Variants in ZFPM2 observed in about 807,000 individuals in gnomAD.
ZFPM2 encodes the protein zinc finger protein, FOG family member 2, also known as zinc finger protein ZFPM2.
A neutral mutation model predicts 98.6 loss-of-function variants in ZFPM2; 20 were observed. The observed-to-expected ratio is 0.20, with a 90% CI of 0.14 to 0.29. The LOEUF is 0.29. Ranked by LOEUF, ZFPM2 falls within the 10% of genes least tolerant of loss-of-function variation. The pLI is 1.00. For missense variants in ZFPM2, 1,310 were observed against 1,388.6 expected (o/e 0.94, Z 0.90); for synonymous variants, 518 against 502.7 (o/e 1.03, Z -0.41).
chr8:105,651,614 G>C (rs541947801), intron 5 of ZFPM2, among the ~76,000 whole-genome samples: 1 of 152,060 alleles, frequency 6.6e-6, no homozygotes, highest in African/African-American at 2.4e-5. Flanking sequence ...CCTCTAAAAG[G>C]CCTTCTTTAC....
chr8:105,413,062 G>T (rs1183494385), intron 1 of ZFPM2, among the ~76,000 whole-genome samples: 1 of 151,808 alleles, frequency 6.6e-6, no homozygotes, highest in Non-Finnish European at 1.5e-5. Flanking sequence ...TTAGAGTCGG[G>T]TTATTTTTTT....
At chr8:105,735,113 T>C (rs1348277772) in intron 5 of ZFPM2, among the ~76,000 whole-genome samples, 1 of 147,576 alleles carries the variant, frequency 6.8e-6, no homozygotes, top group Non-Finnish European at 1.5e-5. Flanking sequence ...TATATATAAA[T>C]TATATATATA....
rs181571068 is a variant in ZFPM2 at position 105,623,095 on chromosome 8, A to G, written c.421-11151A>G. Among the ~76,000 whole-genome samples the G allele has an allele frequency of 2.4e-4, 37 of 152,328 alleles. No homozygotes were observed. The East Asian group carries it at 4.6e-3, about 19-fold the overall frequency. On this transcript the variant is annotated intron_variant, in intron 4 of 7. Coordinates refer to ENST00000407775, the MANE Select transcript of ZFPM2 (RefSeq NM_012082.4). ...TATTTCTGTTACTAAAATGTCTCAC[A>G]GATTAGATAAGCTTTGTTCAGCTAC...
At chr8:105,615,738 C>T (rs148278124) in intron 4 of ZFPM2, among the ~76,000 whole-genome samples, 7 of 152,164 alleles carry the variant, frequency 4.6e-5, no homozygotes, top group Non-Finnish European at 7.4e-5. Flanking sequence ...ATTGTGGAGT[C>T]TTGGTCTTTT....
At chr8:105,496,675 T>G (rs1302721852) in intron 3 of ZFPM2, among the ~76,000 whole-genome samples, 10 of 32,850 alleles carry the variant, frequency 3.0e-4, no homozygotes, top group African/African-American at 1.2e-3. Flanking sequence ...TTTTTTTGGT[T>G]TTTTTTTTTT....
At chr8:105,797,977 G>T (rs1360375720) in intron 6 of ZFPM2, 1 of 152,092 alleles carries the variant, frequency 6.6e-6, no homozygotes, top group African/African-American at 2.4e-5. Flanking sequence ...TTTATACCCA[G>T]CCGAACACAG....
intron 3 of ZFPM2, among the ~76,000 whole-genome samples, chr8:105,540,165 G>A (rs1288704002): frequency 6.6e-6 from 1 of 151,896 alleles, no homozygotes; most frequent in Non-Finnish European, 1.5e-5. Flanking sequence ...CTATTTTTTA[G>A]AATATTCTTA....
intron 2 of ZFPM2, among the ~76,000 whole-genome samples, chr8:105,439,685 G>A (rs1469470635): frequency 6.6e-6 from 1 of 152,128 alleles, no homozygotes; most frequent in Admixed American, 6.5e-5. Flanking sequence ...TGGGCTACAT[G>A]TTTTCCAAAG....
At chr8:105,719,433 T>TTA (rs1308399303) in intron 5 of ZFPM2, among the ~76,000 whole-genome samples, 1 of 151,872 alleles carries the variant, frequency 6.6e-6, no homozygotes, top group Admixed American at 6.6e-5. Flanking sequence ...AAATCAGACT[T>TTA]TGATAGAGAG....
intron 3 of ZFPM2, among the ~76,000 whole-genome samples, chr8:105,534,129 C>T (rs1189940837): frequency 6.2e-5 from 4 of 64,934 alleles, no homozygotes; most frequent in East Asian, 4.8e-4. Context: ...CTTCCTTCCT[C>T]CCTTCCTTCC....
At chr8:105,722,057 A>G (rs1811681146) in intron 5 of ZFPM2, among the ~76,000 whole-genome samples, 1 of 151,716 alleles carries the variant, frequency 6.6e-6, no homozygotes, top group Non-Finnish European at 1.5e-5. Flanking sequence ...TATTAAAATA[A>G]TTTTACCTTT....
intron 3 of ZFPM2, among the ~76,000 whole-genome samples, chr8:105,497,754 T>G (rs968423147): frequency 2.8e-4 from 42 of 152,132 alleles, no homozygotes; most frequent in African/African-American, 9.9e-4. Flanking sequence ...TAGGCGGTAG[T>G]GAGAAGAACT....
intron 1 of ZFPM2, among the ~76,000 whole-genome samples, chr8:105,356,980 C>A (rs1328081751): frequency 6.6e-6 from 1 of 152,170 alleles, no homozygotes; most frequent in Non-Finnish European, 1.5e-5. Context: ...TTATTACCTA[C>A]TTTATCAAGT....
intron 4 of ZFPM2, among the ~76,000 whole-genome samples, chr8:105,570,707 G>A (rs1270562414): frequency 6.6e-6 from 1 of 152,106 alleles, no homozygotes; most frequent in Non-Finnish European, 1.5e-5. Flanking sequence ...TCCTGATGGT[G>A]AAGTCTTTCC....
chr8:105,738,964 T>C (rs928562118), intron 5 of ZFPM2, among the ~76,000 whole-genome samples: 1 of 152,114 alleles, frequency 6.6e-6, no homozygotes, highest in Non-Finnish European at 1.5e-5. Context: ...CATTTTTTCT[T>C]AATTTAGGCA....
At chr8:105,567,335 T>C (rs1429635397) in intron 4 of ZFPM2, among the ~76,000 whole-genome samples, 1 of 152,168 alleles carries the variant, frequency 6.6e-6, no homozygotes, top group Non-Finnish European at 1.5e-5. Flanking sequence ...CTGGAAGTGC[T>C]GGAGATTTCC....
At chr8:105,621,035 A>C (rs543658115) in intron 4 of ZFPM2, among the ~76,000 whole-genome samples, 1 of 152,210 alleles carries the variant, frequency 6.6e-6, no homozygotes, top group African/African-American at 2.4e-5. Context: ...TCCATATGAA[A>C]TTTAAAGTAG....
chr8:105,734,894 T>G (rs1248155340), intron 5 of ZFPM2, among the ~76,000 whole-genome samples: 1 of 151,348 alleles, frequency 6.6e-6, no homozygotes, highest in African/African-American at 2.4e-5. Flanking sequence ...TTTTTGCACT[T>G]ATAATATCTA....
At chr8:105,499,528 A>G (rs1813545312) in intron 3 of ZFPM2, among the ~76,000 whole-genome samples, 1 of 152,214 alleles carries the variant, frequency 6.6e-6, no homozygotes, top group Non-Finnish European at 1.5e-5. Flanking sequence ...ATTGGAGTAA[A>G]ATGTATCTGA....
Sources: gnomAD v4.1 joint callset for allele counts (sites outside exome capture counted in the v4.1 genomes callset) on GRCh38, gnomAD v4.1.1 for gene constraint, MANE v1.5 for transcripts, NCBI Gene and HGNC (gene_info 2026-07-23, HGNC 2026-07-21) for gene names.